The following SORCS1 variants were observed in gnomAD, a reference collection of about 807,000 sequenced individuals.
SORCS1 encodes the protein sortilin related VPS10 domain containing receptor 1, also known as VPS10 domain-containing receptor SorCS1.
In SORCS1, 60 loss-of-function variants were observed where a neutral mutation model predicts 146.1. The ratio of observed to expected loss-of-function variants is 0.41; its 90% confidence interval spans 0.33 to 0.51. SORCS1 has a LOEUF of 0.51. SORCS1 is among the 20% of genes least tolerant of loss of function. SORCS1 has a pLI of 0.21. For missense variants in SORCS1, 1,352 were observed against 1,487.6 expected (o/e 0.91, Z 1.50); for synonymous variants, 637 against 584.0 (o/e 1.09, Z -1.31).
intron 1 of SORCS1, among the ~76,000 whole-genome samples, chr10:106,990,966 T>TA (rs766491527): frequency 1.3e-5 from 2 of 152,234 alleles, no homozygotes; most frequent in African/African-American, 2.4e-5. Flanking sequence ...TAATCTTGCT[T>TA]AAAGGAACCT....
chr10:106,753,519 G>A (rs367552543), intron 5 of SORCS1, among the ~76,000 whole-genome samples: 25 of 152,180 alleles, frequency 1.6e-4, no homozygotes, highest in African/African-American at 5.3e-4. Flanking sequence ...GTAATGATAC[G>A]AGTCAGAATC....
chr10:106,904,644 C>T (rs569619844), intron 2 of SORCS1, among the ~76,000 whole-genome samples: 5 of 152,140 alleles, frequency 3.3e-5, no homozygotes, highest in Non-Finnish European at 7.3e-5. Context: ...AGCTACGTGG[C>T]GGAGTGCAGC....
chr10:106,719,775 G>C (rs1855651926), intron 6 of SORCS1, among the ~76,000 whole-genome samples: 1 of 152,230 alleles, frequency 6.6e-6, no homozygotes, highest in African/African-American at 2.4e-5. Flanking sequence ...TGAAACATAA[G>C]AGATGCTCAA....
chr10:106,639,123 C>A (rs1848899931), intron 18 of SORCS1, among the ~76,000 whole-genome samples: 1 of 152,160 alleles, frequency 6.6e-6, no homozygotes, highest in African/African-American at 2.4e-5. Flanking sequence ...AGCTTGAGGA[C>A]TGAGCGGCTG....
rs1030849338 is a variant in SORCS1 at position 107,152,897 on chromosome 10, CTCTG to C, written c.558+11068_558+11071del. Among the ~76,000 whole-genome samples the C allele has an allele frequency of 8.9e-4, 135 of 152,262 alleles. 2 individuals are homozygous for C. The highest frequency in any genetic ancestry group is 3.1e-3 in the African/African-American group (128 of 41,550). On this transcript the variant is annotated intron_variant, in intron 1 of 25. Transcript: ENST00000263054. ...CTTTGTTTATATGCCTCCATCACAG[CTCTG>C]TCTTTGTCTCCCAATATGACTTTCT...
chr10:106,748,805 T>A (rs537351590), intron 5 of SORCS1, among the ~76,000 whole-genome samples: 2 of 152,294 alleles, frequency 1.3e-5, no homozygotes, highest in African/African-American at 4.8e-5. Context: ...CATTTACCTA[T>A]GTTTTCTGCA....
chr10:106,869,657 ACT>A (rs1448089844), intron 2 of SORCS1, among the ~76,000 whole-genome samples: 1 of 152,096 alleles, frequency 6.6e-6, no homozygotes, highest in African/African-American at 2.4e-5. Flanking sequence ...TATGTTAAAA[ACT>A]CTCAATAAAC....
At chr10:106,690,126 T>G (rs1473977807) in intron 9 of SORCS1, among the ~76,000 whole-genome samples, 1 of 152,220 alleles carries the variant, frequency 6.6e-6, no homozygotes, top group Non-Finnish European at 1.5e-5. Flanking sequence ...ACAACAGCAG[T>G]GTGTTAATTA....
In SORCS1 at chr10:107,164,582, G is replaced by C; in HGVS notation, c.-56C>G. Reference sequence around the variant, plus strand: ...TCCCAGAACGAAGGTGGCGGCACGAGCTCTGCGCTGGCGGCTGTGGGGGGC... The same window carrying C: ...TCCCAGAACGAAGGTGGCGGCACGACCTCTGCGCTGGCGGCTGTGGGGGGC... On this transcript the variant is annotated 5_prime_UTR_variant, in exon 1 of 26. Coordinates refer to ENST00000263054, the MANE Select transcript of SORCS1 (RefSeq NM_052918.5). This position sits in a 1 kb window ranked among gnomAD's most constrained non-coding sequence, Gnocchi z 6.8. The C allele has an allele frequency of 7.7e-7, 1 of 1,291,938 alleles. No individual in the cohort carries two copies. Among genetic ancestry groups the C allele is most frequent in the Non-Finnish European group, 9.8e-7 (1 of 1,016,378 alleles). 80.0% of individuals were successfully genotyped at this position (1,291,938 alleles called of 1,614,324 possible).
intron 3 of SORCS1, among the ~76,000 whole-genome samples, chr10:106,803,625 A>G (rs1455433813): frequency 6.6e-6 from 1 of 152,112 alleles, no homozygotes; most frequent in Non-Finnish European, 1.5e-5. Context: ...TGTTATCTCA[A>G]TGATACATTT....
At chr10:106,794,574 C>A (rs1283242725) in intron 3 of SORCS1, among the ~76,000 whole-genome samples, 1 of 148,656 alleles carries the variant, frequency 6.7e-6, no homozygotes, top group South Asian at 2.1e-4. Context: ...ACGATCTCGG[C>A]TCACTGCAAG....
intron 1 of SORCS1, among the ~76,000 whole-genome samples, chr10:107,161,508 C>A (rs1265470583): frequency 6.6e-6 from 1 of 152,102 alleles, no homozygotes. Context: ...GCTGTAAAGT[C>A]ACACTGCCCT....
intron 2 of SORCS1, among the ~76,000 whole-genome samples, chr10:106,881,001 C>T (rs907332797): frequency 1.4e-5 from 2 of 143,136 alleles, no homozygotes; most frequent in African/African-American, 5.3e-5. Flanking sequence ...GGCGTGAACC[C>T]AGGAGGTGGA....
At chr10:106,926,824 T>TAC (rs1953046788) in intron 2 of SORCS1, among the ~76,000 whole-genome samples, 1 of 14,534 alleles carries the variant, frequency 6.9e-5, no homozygotes, top group African/African-American at 1.3e-4. Context: ...CTAAGGAATA[T>TAC]ATATACACAC....
At chr10:106,596,469 T>A (rs59079527) in intron 24 of SORCS1, among the ~76,000 whole-genome samples, 2,329 of 152,298 alleles carry the variant, frequency 0.015, 63 homozygotes, top group African/African-American at 0.053. Flanking sequence ...ACTTGTGTTA[T>A]CATCTATTCT....
At chr10:106,965,398 C>G (rs1267188722) in intron 1 of SORCS1, among the ~76,000 whole-genome samples, 1 of 152,110 alleles carries the variant, frequency 6.6e-6, no homozygotes, top group African/African-American at 2.4e-5. Flanking sequence ...GGTATTTCCA[C>G]TTGACATTTT....
intron 3 of SORCS1, among the ~76,000 whole-genome samples, chr10:106,778,813 G>A (rs1046624893): frequency 7.9e-5 from 12 of 152,114 alleles, no homozygotes; most frequent in African/African-American, 2.9e-4. Flanking sequence ...CTGTTAGCCA[G>A]AATATGCTTT....
rs1296391380 is a variant in SORCS1, at chr10:106,751,106, T to G, written c.959+10482A>C. On this transcript the variant is annotated intron_variant, in intron 5 of 25. Coordinates refer to ENST00000263054, the MANE Select transcript of SORCS1 (RefSeq NM_052918.5). ...AAAAAAAAAAAAAATGCGGAGGAGG[T>G]GCAAAAGCGTTAGCAAGCAGCATTC... 1.1e-3 allele frequency among the ~76,000 whole-genome samples: 125 copies of G among 117,412 alleles called. 8 individuals carry two copies. Among genetic ancestry groups the G allele is most frequent in the African/African-American group, 2.2e-3 (65 of 29,408 alleles). 77.0% of individuals were successfully genotyped at this position (117,412 alleles called of 152,430 possible).
At chr10:106,636,498 T>C (rs559992602) in intron 18 of SORCS1, among the ~76,000 whole-genome samples, 2 of 152,210 alleles carry the variant, frequency 1.3e-5, no homozygotes, top group South Asian at 4.2e-4. Flanking sequence ...CAGCTCCACA[T>C]GGCTAGGGAA....
Sources: allele counts gnomAD v4.1 joint callset (sites outside exome capture counted in the v4.1 genomes callset), GRCh38; gene constraint gnomAD v4.1.1; non-coding constraint Gnocchi (gnomAD v3.1); transcripts MANE v1.5; gene names NCBI Gene and HGNC (gene_info 2026-07-23, HGNC 2026-07-21).